C3: variants seen among roughly 807,000 people sequenced by gnomAD.
C3 encodes complement C3, also known as C3 and PZP-like alpha-2-macroglobulin domain-containing protein 1.
C3 carries 97 observed loss-of-function variants against 207.9 expected under a neutral mutation model. That is an observed-to-expected ratio of 0.47 (90% CI 0.40 to 0.55). The LOEUF (loss-of-function observed/expected upper bound fraction) is 0.55. Ranked by LOEUF, C3 falls within the 20% of genes least tolerant of loss-of-function variation. The pLI is 0.00. For synonymous variants in C3, 848 were observed against 857.6 expected, an observed-to-expected ratio of 0.99 and a Z score of 0.20; for missense variants, 1,684 against 2,171.7, an observed-to-expected ratio of 0.78 and a Z score of 4.46.
chr19:6,694,822 T>G (rs895485813), intron 23 of C3, among the ~76,000 whole-genome samples, 188 bp from the exon 24 acceptor site: 29 of 152,150 alleles, frequency 1.9e-4, no homozygotes, highest in Non-Finnish European at 8.8e-5. Context: ...TCTGCACTGT[T>G]AGGAGTGGGA....
intron 19 of C3, among the ~76,000 whole-genome samples, chr19:6,700,821 C>CATATTACAATTATAAACAT (rs200190294): frequency 6.9e-6 from 1 of 143,888 alleles, no homozygotes; most frequent in African/African-American, 2.6e-5. Flanking sequence ...TAATTATAAA[C>CATATTACAATTATAAACAT]ATTACAATTA....
At chr19:6,685,920 C>T (rs898027782) in intron 29 of C3, among the ~76,000 whole-genome samples, 4 of 152,216 alleles carry the variant, frequency 2.6e-5, no homozygotes, top group Admixed American at 1.3e-4. Context: ...AGGCTCAACA[C>T]ACAGCTTGGA....
chr19:6,709,825 G>T lies in C3; in HGVS notation c.1704C>A (p.Gly568=). The part of the protein sequence containing the change: ...SCVGSLVVKS[G]QSEDRQPVPG... ...GTACAGGCTGCCGGTCTTCTGACTG[G>T]CCGCTTTTTACCACCAGCTGTGGGG... The change falls in exon 14 of 41, where the codon GGC becomes GGA. Residue 568 remains glycine (G), a synonymous_variant. Transcript: ENST00000245907. The T allele has an allele frequency of 6.2e-7, 1 of 1,613,896 alleles. No individual in the cohort carries two copies. Among genetic ancestry groups the T allele is most frequent in the Non-Finnish European group, 8.5e-7 (1 of 1,180,032 alleles).
chr19:6,697,300 C>G (rs1967559089), intron 21 of C3, 44 bp downstream of exon 21: 1 of 1,416,946 alleles, frequency 7.1e-7, no homozygotes, highest in African/African-American at 1.4e-5. Flanking sequence ...AGACCAGGAG[C>G]CCTCTCTGAA....
At position 6,678,181 on chromosome 19, in the gene C3, G is replaced by A. The variant is rs911645126; in HGVS notation, c.4821C>T (p.Leu1607=). ...GCTTCTCTCCCCAGAAATCGGAGGA[G>A]AGACCCCACATGAGGTAGTGTTTCT... The part of the protein sequence containing the change: ...EEKKHYLMWG[L]SSDFWGEKPN... Residue 1607 remains leucine, a synonymous_variant, in exon 40 of 41, where the codon CTC becomes CTT. Coordinates refer to ENST00000245907, the MANE Select transcript of C3 (RefSeq NM_000064.4). The A allele has an allele frequency of 3.1e-6, 5 of 1,614,222 alleles. No individual in the cohort carries two copies. The Admixed American group carries it at 5.0e-5, about 16-fold the overall frequency.
Position 6,685,183 on chromosome 19 carries a change from G to C in C3, c.3811-37C>G, listed in dbSNP as rs1436251043. 1.9e-6 allele frequency: 3 copies of C among 1,601,206 alleles called. No homozygotes were observed. In the Admixed American group the frequency reaches 5.1e-5, roughly 27 times the overall value. On this transcript the variant is annotated intron_variant, in intron 29 of 40. Transcript: ENST00000245907. ...AAGAGAGAAAGATGGTGATCTGGGA[G>C]CCTGGGAAAGTGGCTAGAATCCAGT...
chr19:6,714,086 G>C lies in C3; in HGVS notation c.683-4C>G, dbSNP rs377240996. ...ATGACCTCGAAACTGGGCAGCACTGGGGGAGAGATGGCGTTGGTGGGGCCG... is the reference window on the plus strand; with the variant it reads ...ATGACCTCGAAACTGGGCAGCACTGCGGGAGAGATGGCGTTGGTGGGGCCG... On this transcript the variant is annotated splice_polypyrimidine_tract_variant and splice_region_variant and intron_variant, in intron 6 of 40. Transcript: ENST00000245907. 80 of 1,612,002 alleles carry C rather than the reference G, an allele frequency of 5.0e-5. No individual in the cohort carries two copies. The highest frequency in any genetic ancestry group is 3.5e-4 in the Admixed American group (21 of 59,882).
intron 11 of C3, among the ~76,000 whole-genome samples, chr19:6,711,623 T>A (rs1967924581): frequency 6.6e-6 from 1 of 152,168 alleles, no homozygotes; most frequent in Admixed American, 6.5e-5. Context: ...CTGTGGCCAT[T>A]TCTCATGGTA....
intron 19 of C3, among the ~76,000 whole-genome samples, chr19:6,700,619 T>C (rs1223871842): frequency 1.2e-4 from 6 of 51,796 alleles, no homozygotes; most frequent in Non-Finnish European, 1.8e-4. Flanking sequence ...ATATGTAATA[T>C]ATAATATATG....
intron 27 of C3, among the ~76,000 whole-genome samples, chr19:6,689,292 A>ACAGTCC (rs1451605182): frequency 3.3e-5 from 3 of 91,512 alleles, no homozygotes; most frequent in Non-Finnish European, 2.3e-5. Context: ...GTCTGACCCC[A>ACAGTCC]CCTCTCCTCT....
Position 6,693,029 on chromosome 19 carries a change from G to T in C3, c.3285C>A (p.Ile1095=), listed in dbSNP as rs748107891. 1.2e-6 allele frequency: 2 copies of T among 1,614,054 alleles called. No homozygotes were observed. Among genetic ancestry groups the T allele is most frequent in the East Asian group, 2.2e-5 (1 of 44,898 alleles). Residue 1095 remains isoleucine (I), a synonymous_variant, in exon 26 of 41, where the codon ATC becomes ATA. Coordinates refer to ENST00000245907, the MANE Select transcript of C3 (RefSeq NM_000064.4). ...VFSLAVNLIA[I]DSQVLCGAVK... ...CAGCCCCGCAGAGGACTTGGGAGTCGATGGCGATGAGGTTGACAGCCAGAG... is the reference window on the plus strand; with the variant it reads ...CAGCCCCGCAGAGGACTTGGGAGTCTATGGCGATGAGGTTGACAGCCAGAG...
In C3 at chr19:6,719,129, C is replaced by G; in HGVS notation, c.267+82G>C. The stretch of plus-strand genomic sequence containing the variant: ...GGGCAGGGCTTAGAAAGGGAGAAGA[C>G]AGAAGGGGAGGGGCTCAGGAGGAGG... On this transcript the variant is annotated intron_variant, in intron 2 of 40. Transcript: ENST00000245907. The surrounding 1 kb of genome is among the most constrained non-coding windows in gnomAD (Gnocchi z 5.4). 8.1e-7 allele frequency: 1 copy of G among 1,229,978 alleles called. No individual in the cohort carries two copies. The highest frequency in any genetic ancestry group is 1.2e-6 in the Non-Finnish European group (1 of 844,502). 76.2% of individuals were successfully genotyped at this position (1,229,978 alleles called of 1,614,324 possible).
intron 19 of C3, among the ~76,000 whole-genome samples, chr19:6,698,019 ATT>A (rs1228492354): frequency 1.2e-4 from 2 of 16,838 alleles, no homozygotes; most frequent in East Asian, 7.8e-3. Context: ...TATTATTATT[ATT>A]ATTATTAATT....
chr19:6,677,994 C>T lies in C3; in HGVS notation c.4880G>A (p.Trp1627Ter). 6.2e-7 allele frequency: 1 copy of T among 1,614,120 alleles called. No individual in the cohort carries two copies. Among genetic ancestry groups the T allele is most frequent in the Non-Finnish European group, 8.5e-7 (1 of 1,180,036 alleles). The change falls in exon 41 of 41, where the codon TGG becomes TAG. Residue 1627 changes from tryptophan to a stop codon, truncating the protein, a stop_gained. Coordinates refer to ENST00000245907, the MANE Select transcript of C3 (RefSeq NM_000064.4). LOFTEE classifies it high-confidence loss of function. Reference protein sequence around the residue: ...NLSYIIGKDTWVEHWPEEDEC... With the variant: ...NLSYIIGKDT ...GTCCTCCTCGGGCCAGTGCTCCACC[C>T]AAGTGTCCTTCCCGATGATGTAGCT...
intron 38 of C3, 125 bp from the exon 39 acceptor site, chr19:6,678,580 G>T: frequency 1.4e-6 from 1 of 738,362 alleles, no homozygotes; most frequent in Non-Finnish European, 2.4e-6. Flanking sequence ...ATCACAGCCA[G>T]TCACACTATG....
chr19:6,681,170 C>G (rs149931114), intron 35 of C3, among the ~76,000 whole-genome samples: 15 of 151,708 alleles, frequency 9.9e-5, no homozygotes, highest in Admixed American at 3.3e-4. Flanking sequence ...GTGGGAGAAT[C>G]ACTTGAGCTC....
At chr19:6,718,982 T>G (rs923736180) in intron 2 of C3, among the ~76,000 whole-genome samples, 276 of 44,878 alleles carry the variant, frequency 6.2e-3, no homozygotes, top group Middle Eastern at 0.012. Context: ...TCAGAAGGGG[T>G]GGGGGGGGGT....
chr19:6,694,626 C>A lies in C3; in HGVS notation c.2959G>T (p.Val987Leu). Residue 987 changes from valine (V) to leucine (L), a missense_variant, in exon 24 of 41, where the codon GTG becomes TTG. Around this residue, in one of 3 missense-constraint regions of C3, gnomAD observed 1,280 missense variants for 1,739.1 expected, o/e 0.74. Transcript: ENST00000245907. ...ACGGCATCCTCTGTCATCTGGGCCACTGGGGTCCCTGCAGCAGGTGGGAAG... is the reference window on the plus strand; with the variant it reads ...ACGGCATCCTCTGTCATCTGGGCCAATGGGGTCCCTGCAGCAGGTGGGAAG... ...ETRILLQGTP[V>L]AQMTEDAVDA... The A allele has an allele frequency of 6.2e-7, 1 of 1,612,018 alleles. No individual in the cohort carries two copies. The highest frequency in any genetic ancestry group is 8.5e-7 in the Non-Finnish European group (1 of 1,179,716).
chr19:6,710,172 AAGAGAGAGGGAG>A (rs1967878752), intron 13 of C3, among the ~76,000 whole-genome samples: 1 of 74,890 alleles, frequency 1.3e-5, no homozygotes, highest in African/African-American at 5.1e-5. Context: ...GAGAGAGGGA[AAGAGAGAGGGAG>A]AGAGAGAGGG....
Sources: allele counts gnomAD v4.1 joint callset (sites outside exome capture counted in the v4.1 genomes callset), GRCh38; gene constraint gnomAD v4.1.1; regional missense constraint gnomAD v4.1.1; non-coding constraint Gnocchi (gnomAD v3.1); transcripts MANE v1.5; gene names NCBI Gene and HGNC (gene_info 2026-07-23, HGNC 2026-07-21).